NME3: variants seen among roughly 807,000 people sequenced by gnomAD.
NME3 encodes nucleoside diphosphate kinase C.
In NME3, 23 loss-of-function variants were observed where a neutral mutation model predicts 15.8. That is an observed-to-expected ratio of 1.45 (90% confidence interval 1.05 to 2.06). The LOEUF (loss-of-function observed/expected upper bound fraction) is 2.06. NME3 is among the 30% of genes most tolerant of loss of function. The pLI is 0.00. For synonymous variants in NME3, 157 were observed against 104.4 expected (o/e 1.50, Z -3.07); for missense variants, 354 against 243.2 (o/e 1.46, Z -3.03).
In NME3 at chr16:1,770,866, C is replaced by G; in HGVS notation, c.392+15G>C. 6.4e-7 allele frequency: 1 copy of G among 1,565,614 alleles called. No homozygotes were observed. On this transcript the variant is annotated intron_variant, in intron 4 of 4. Coordinates refer to ENST00000219302, the MANE Select transcript of NME3 (RefSeq NM_002513.3). ...GGCCGGACGGGGCTGGGACCGTCCC[C>G]GGGGCGGGCCTTACTTGCCAACCTC...
At position 1,771,011 on chromosome 16, in the gene NME3, C is replaced by T. The variant is rs776382726; in HGVS notation, c.280-18G>A. The T allele has an allele frequency of 6.3e-7, 1 of 1,591,958 alleles. No individual in the cohort carries two copies. Among genetic ancestry groups the T allele is most frequent in the South Asian group, 1.1e-5 (1 of 89,608 alleles). ...TGCCATACCTGTGCGGAGGAACGGG[C>T]GCGGTATCACGCGGGGGTGGGGGTC... On this transcript the variant is annotated intron_variant, in intron 3 of 4. Transcript: ENST00000219302.
In NME3 at chr16:1,770,882, T is replaced by A; in HGVS notation, c.391A>T (p.Lys131Ter). 1 of 1,572,410 alleles carries A rather than the reference T, an allele frequency of 6.4e-7. No homozygotes were observed. The highest frequency in any genetic ancestry group is 8.7e-7 in the Non-Finnish European group (1 of 1,154,514). Residue 131 changes from lysine to a stop codon, truncating the protein, a stop_gained and splice_region_variant, in exon 4 of 5, where the codon AAG becomes TAG. Coordinates refer to ENST00000219302, the MANE Select transcript of NME3 (RefSeq NM_002513.3). LOFTEE classifies it low-confidence loss of function (END_TRUNC). Reference protein sequence around the residue: ...IRGDFCIEVGKNLIHGSDSVE... With the variant: ...IRGDFCIEVG ...GACCGTCCCCGGGGCGGGCCTTACT[T>A]GCCAACCTCGATGCAGAAATCCCCG...
At position 1,770,776 on chromosome 16, in the gene NME3, A is replaced by G; in HGVS notation, c.393-10T>C. 2 of 1,600,368 alleles carry G rather than the reference A, an allele frequency of 1.2e-6. No individual in the cohort carries two copies. Among genetic ancestry groups the G allele is most frequent in the South Asian group, 2.2e-5 (2 of 90,178 alleles). On this transcript the variant is annotated splice_polypyrimidine_tract_variant and intron_variant, in intron 4 of 4. Transcript: ENST00000219302. ...GCCGTGAATCAGGTTCCTGCGCGGA[A>G]GAGGCGCGTGTGAGCGTGGGAAAGA...
At position 1,771,357 on chromosome 16, in the gene NME3, G is replaced by T; in HGVS notation, c.100C>A (p.Gln34Lys). ...TFLAVKPDGV[Q>K]RRLVGEIVRR... is the part of the protein sequence containing the mutation. The stretch of plus-strand genomic sequence containing the variant: ...ACAATCTCGCCCACCAGCCGCCGCT[G>T]CACGCCGTCCGGCTTCACGGCCAGG... Residue 34 changes from glutamine (Q) to lysine (K), a missense_variant, in exon 2 of 5, where the codon CAG becomes AAG. By Grantham distance (53) the Gln-to-Lys change is moderately conservative. Coordinates refer to ENST00000219302, the MANE Select transcript of NME3 (RefSeq NM_002513.3). 6.3e-7 allele frequency: 1 copy of T among 1,588,494 alleles called. No individual in the cohort carries two copies.
rs772635733 is a variant in NME3, at chr16:1,770,773, G to T, written c.393-7C>A. The stretch of plus-strand genomic sequence containing the variant: ...GCTGCCGTGAATCAGGTTCCTGCGC[G>T]GAAGAGGCGCGTGTGAGCGTGGGAA... On this transcript the variant is annotated splice_region_variant and splice_polypyrimidine_tract_variant and intron_variant, in intron 4 of 4. Coordinates refer to ENST00000219302, the MANE Select transcript of NME3 (RefSeq NM_002513.3). 6.2e-7 allele frequency: 1 copy of T among 1,600,338 alleles called. No individual in the cohort carries two copies. Among genetic ancestry groups the T allele is most frequent in the Non-Finnish European group, 8.5e-7 (1 of 1,173,410 alleles).
rs1264116887 is a variant in NME3, at chr16:1,770,570, G to T, written c.*79C>A. 10 of 1,089,296 alleles carry T rather than the reference G, an allele frequency of 9.2e-6. No individual in the cohort carries two copies. The Admixed American group carries it at 2.5e-4, about 27-fold the overall frequency. 67.5% of individuals were successfully genotyped at this position (1,089,296 alleles called of 1,614,324 possible). ...CCAAAGGGATGCTCCAAGCGCTGTG[G>T]GGTGGGGCCAGAAGCCCGCCCACCT... is the stretch of plus-strand genomic sequence containing the variant. On this transcript the variant is annotated 3_prime_UTR_variant, in exon 5 of 5. Coordinates refer to ENST00000219302, the MANE Select transcript of NME3 (RefSeq NM_002513.3).
intron 1 of NME3, 22 bp from the exon 2 acceptor site, chr16:1,771,432 G>A: frequency 6.6e-7 from 1 of 1,512,220 alleles, no homozygotes; most frequent in African/African-American, 1.4e-5. Flanking sequence ...GCGGGGACGG[G>A]CCGTCAGGCC....
At chr16:1,770,834 A>G (rs1567222740) in intron 4 of NME3, 47 bp downstream of exon 4, 1 of 1,573,266 alleles carries the variant, frequency 6.4e-7, no homozygotes, top group Non-Finnish European at 8.7e-7. Context: ...CAGGCTGAAC[A>G]GGGGGAGGCC....
Position 1,771,122 on chromosome 16 carries a change from G to C in NME3, c.227C>G (p.Pro76Arg). The change falls in exon 3 of 5, where the codon CCG (proline) becomes CGG (arginine). Residue 76 changes from proline to arginine, a missense_variant. Transcript: ENST00000219302. The stretch of plus-strand genomic sequence containing the variant: ...ATACTTGACAAGGCGGCCGTAGAAC[G>C]GGCGTTCACGCAGCTCGGCGTAGTG... Reference protein sequence around the residue: ...REHYAELRERPFYGRLVKYMA... With the variant: ...REHYAELRERRFYGRLVKYMA... 6.2e-7 allele frequency: 1 copy of C among 1,609,458 alleles called. No individual in the cohort carries two copies. The highest frequency in any genetic ancestry group is 8.5e-7 in the Non-Finnish European group (1 of 1,179,146).
chr16:1,771,152 C>T lies in NME3; in HGVS notation c.197G>A (p.Arg66His). Reference protein sequence around the residue: ...KLVQASEELLREHYAELRERP... With the variant: ...KLVQASEELLHEHYAELRERP... ...TTCACGCAGCTCGGCGTAGTGCTCA[C>T]GCAGCAGCTCCTCGGAGGCCTGCGG... Residue 66 changes from arginine (R) to histidine (H), a missense_variant, in exon 3 of 5, where the codon CGT becomes CAT. Physicochemically the swap from Arg to His is conservative, Grantham distance 29. Transcript: ENST00000219302. The T allele has an allele frequency of 3.1e-6, 5 of 1,605,496 alleles. No individual in the cohort carries two copies. Among genetic ancestry groups the T allele is most frequent in the Non-Finnish European group, 3.4e-6 (4 of 1,178,178 alleles).
rs763242857 is a variant in NME3, at chr16:1,771,224, G to A, written c.178-53C>T. On this transcript the variant is annotated intron_variant, in intron 2 of 4. Transcript: ENST00000219302. ...CGCACCCGGCACCTAGGCGTCCCCA[G>A]GTCCCCGCTCCCCTTCCCCCCACAC... 52 of 1,568,068 alleles carry A rather than the reference G, an allele frequency of 3.3e-5. No homozygotes were observed. In the Admixed American group the frequency reaches 9.3e-4, roughly 28 times the overall value.
Position 1,771,492 on chromosome 16 carries a change from C to CG in NME3, c.42dup (p.Ala15ArgfsTer53), listed in dbSNP as rs1248312615. The CG allele has an allele frequency of 6.8e-6, 9 of 1,317,740 alleles. No individual in the cohort carries two copies. The highest frequency in any genetic ancestry group is 1.6e-5 in the African/African-American group (1 of 64,516). The allele number at this position is 1,317,740 out of a possible 1,614,324, so 81.6% of individuals were successfully genotyped here. ...CGGCCCGCGCCGCGCGGCTCACCCGCGGGGAAGAGGTTAGCGAAGATGGTC... is the reference window on the plus strand; with the variant it reads ...CGGCCCGCGCCGCGCGGCTCACCCGCGGGGGAAGAGGTTAGCGAAGATGGTC... On this transcript the variant is annotated frameshift_variant, in exon 1 of 5. Transcript: ENST00000219302. LOFTEE classifies it high-confidence loss of function.
rs1311110461 is a variant in NME3, at chr16:1,771,410, G to C, written c.47C>G (p.Ala16Gly). 2 of 1,539,386 alleles carry C rather than the reference G, an allele frequency of 1.3e-6. No individual in the cohort carries two copies. The highest frequency in any genetic ancestry group is 2.4e-5 in the South Asian group (2 of 83,526). Residue 16 changes from alanine (A) to glycine (G), a missense_variant and splice_region_variant, in exon 2 of 5, where the codon GCC (alanine) becomes GGC (glycine). Physicochemically the swap from Ala to Gly is moderately conservative, Grantham distance 60. Transcript: ENST00000219302. ...GGTGCGTTCGTGTGCGCCGGTGCAGGCTGCGGGGCAGGCGGGGACGGGCCG... is the reference window on the plus strand; with the variant it reads ...GGTGCGTTCGTGTGCGCCGGTGCAGCCTGCGGGGCAGGCGGGGACGGGCCG... ...LTIFANLFPA[A>G]CTGAHERTFL...
rs759187986 is a variant in NME3 at position 1,770,971 on chromosome 16, A to G, written c.302T>C (p.Val101Ala). ...TCCGATGAGCGCCCGCGAGGTGCGCACCACGTCCAGCCCCTGCCATACCTG... is the reference window on the plus strand; with the variant it reads ...TCCGATGAGCGCCCGCGAGGTGCGCGCCACGTCCAGCCCCTGCCATACCTG... ...VAMVWQGLDV[V>A]RTSRALIGAT... The change falls in exon 4 of 5, where the codon GTG becomes GCG. Residue 101 changes from valine (V) to alanine (A), a missense_variant. Transcript: ENST00000219302. 2 of 1,585,260 alleles carry G rather than the reference A, an allele frequency of 1.3e-6. No homozygotes were observed. Among genetic ancestry groups the G allele is most frequent in the Non-Finnish European group, 8.6e-7 (1 of 1,161,228 alleles).
At chr16:1,771,023 CG>C in intron 3 of NME3, 30 bp from the exon 4 acceptor site, 1 of 1,593,756 alleles carries the variant, frequency 6.3e-7, no homozygotes, top group African/African-American at 1.3e-5. Context: ...CGGTATCACG[CG>C]GGGGTGGGGG....
intron 4 of NME3, 34 bp from the exon 5 acceptor site, chr16:1,770,800 G>A (rs779533418): frequency 4.0e-5 from 63 of 1,589,634 alleles, no homozygotes; most frequent in Non-Finnish European, 5.1e-5. Context: ...GCGTGGGAAA[G>A]AGACCTCCGG....
rs756009747 is a variant in NME3, at chr16:1,771,244, CCACACCGCGCCCCCGCTCG to C, written c.177+17_177+35del. Reference sequence around the variant, plus strand: ...CCCCAGGTCCCCGCTCCCCTTCCCCCCACACCGCGCCCCCGCTCGCTCACCGCGCCCCCACCTGCACCAG... The same window carrying C: ...CCCCAGGTCCCCGCTCCCCTTCCCCCCTCACCGCGCCCCCACCTGCACCAG... On this transcript the variant is annotated intron_variant, in intron 2 of 4. Transcript: ENST00000219302. The C allele has an allele frequency of 7.0e-6, 11 of 1,579,630 alleles. No homozygotes were observed. In the South Asian group the frequency reaches 1.3e-4, roughly 18 times the overall value.
Position 1,771,144 on chromosome 16 carries a change from A to C in NME3, c.205T>G (p.Tyr69Asp), listed in dbSNP as rs757330203. 7.5e-6 allele frequency: 12 copies of C among 1,607,392 alleles called. No homozygotes were observed. The Admixed American group carries it at 2.0e-4, about 27-fold the overall frequency. The stretch of plus-strand genomic sequence containing the variant: ...AACGGGCGTTCACGCAGCTCGGCGT[A>C]GTGCTCACGCAGCAGCTCCTCGGAG... ...QASEELLREH[Y>D]AELRERPFYG... Residue 69 changes from tyrosine (Y) to aspartate (D), a missense_variant, in exon 3 of 5, where the codon TAC becomes GAC. Tyr to Asp is a radical substitution (Grantham distance 160, BLOSUM62 -3). Transcript: ENST00000219302.
At position 1,771,416 on chromosome 16, in the gene NME3, G is replaced by A. The variant is rs1415960634; in HGVS notation, c.47-6C>T. The A allele has an allele frequency of 3.3e-6, 5 of 1,533,840 alleles. No individual in the cohort carries two copies. The highest frequency in any genetic ancestry group is 4.4e-6 in the Non-Finnish European group (5 of 1,142,050). Reference sequence around the variant, plus strand: ...TTCGTGTGCGCCGGTGCAGGCTGCGGGGCAGGCGGGGACGGGCCGTCAGGC... The same window carrying A: ...TTCGTGTGCGCCGGTGCAGGCTGCGAGGCAGGCGGGGACGGGCCGTCAGGC... On this transcript the variant is annotated splice_polypyrimidine_tract_variant and splice_region_variant and intron_variant, in intron 1 of 4. Coordinates refer to ENST00000219302, the MANE Select transcript of NME3 (RefSeq NM_002513.3).
Sources: gnomAD v4.1 joint callset for allele counts on GRCh38, gnomAD v4.1.1 for gene constraint, MANE v1.5 for transcripts, NCBI Gene and HGNC (gene_info 2026-07-23, HGNC 2026-07-21) for gene names.